Variants in HDAC9 observed in about 807,000 individuals in gnomAD.
HDAC9 encodes histone deacetylase 9.
Under a neutral mutation model 139.4 loss-of-function variants are expected in HDAC9, and 41 were observed. That is an observed-to-expected ratio of 0.29 (90% CI 0.23 to 0.38). HDAC9 has a LOEUF of 0.38. HDAC9 is among the 10% of genes least tolerant of loss of function. The pLI, the probability that HDAC9 is intolerant of heterozygous loss-of-function variation, is 1.00. For synonymous variants in HDAC9, 517 were observed against 476.2 expected (o/e 1.09, Z -1.12); for missense variants, 1,147 against 1,297.0 (o/e 0.88, Z 1.78).
chr7:18,604,165 A>G (rs1834758222), intron 6 of HDAC9, among the ~76,000 whole-genome samples: 1 of 151,934 alleles, frequency 6.6e-6, no homozygotes, highest in Admixed American at 6.6e-5. Flanking sequence ...TCTGTCATTA[A>G]TTTTGGATAA....
intron 17 of HDAC9, among the ~76,000 whole-genome samples, chr7:18,797,395 CAAAAT>C (rs1792892199): frequency 6.6e-6 from 1 of 152,010 alleles, no homozygotes; most frequent in South Asian, 2.1e-4. Context: ...TCTTACCTAA[CAAAAT>C]ATAATAATAA....
chr7:18,533,757 C>G (rs894760157), intron 2 of HDAC9, among the ~76,000 whole-genome samples: 3 of 152,010 alleles, frequency 2.0e-5, no homozygotes, highest in Admixed American at 2.0e-4. Flanking sequence ...AACTTCTTCT[C>G]CTTTGTGTTC....
chr7:18,507,472 C>A (rs369622603), intron 2 of HDAC9, among the ~76,000 whole-genome samples: 17 of 151,330 alleles, frequency 1.1e-4, no homozygotes, highest in Non-Finnish European at 2.1e-4. Context: ...GAATTACAGG[C>A]GTGAGCCACC....
chr7:18,090,691 A>T (rs550210907), intron 1 of HDAC9, among the ~76,000 whole-genome samples: 1 of 152,198 alleles, frequency 6.6e-6, no homozygotes, highest in Non-Finnish European at 1.5e-5. Flanking sequence ...AGAGGCAGCC[A>T]GTAGTGGTCA....
intron 1 of HDAC9, among the ~76,000 whole-genome samples, chr7:18,474,509 A>C (rs1282108115): frequency 1.3e-5 from 2 of 152,204 alleles, no homozygotes; most frequent in Non-Finnish European, 2.9e-5. Flanking sequence ...CTTTATTTGT[A>C]CATATTTTAT....
At chr7:18,852,101 T>C (rs901823634) in intron 21 of HDAC9, among the ~76,000 whole-genome samples, 1 of 152,178 alleles carries the variant, frequency 6.6e-6, no homozygotes, top group African/African-American at 2.4e-5. Flanking sequence ...ATTTAGCCTT[T>C]GGTGCTTTGA....
intron 2 of HDAC9, among the ~76,000 whole-genome samples, chr7:18,184,258 C>T (rs114455244): frequency 0.012 from 1,798 of 152,124 alleles, 36 homozygotes; most frequent in African/African-American, 0.041. Flanking sequence ...GTTAGCTGAG[C>T]GTTGCGGCAC....
intron 21 of HDAC9, among the ~76,000 whole-genome samples, chr7:18,866,111 T>G (rs1317742404): frequency 6.7e-6 from 1 of 148,790 alleles, no homozygotes; most frequent in African/African-American, 2.5e-5. Flanking sequence ...TGAACTGGCT[T>G]TATGCCACCT....
chr7:18,891,870 G>C (rs1021398641), intron 22 of HDAC9, among the ~76,000 whole-genome samples: 5 of 152,132 alleles, frequency 3.3e-5, no homozygotes, highest in African/African-American at 1.2e-4. Context: ...TGTATGAATG[G>C]ATTCATTCCC....
At chr7:18,648,780 G>A in intron 11 of HDAC9, 97 bp downstream of exon 11, 3 of 1,012,462 alleles carry the variant, frequency 3.0e-6, no homozygotes, top group Admixed American at 2.1e-5. Flanking sequence ...GTTGATGGGA[G>A]TCACAGCAAA....
chr7:18,732,592 C>A (rs755731306), intron 13 of HDAC9, among the ~76,000 whole-genome samples: 3 of 144,088 alleles, frequency 2.1e-5, no homozygotes, highest in Non-Finnish European at 4.5e-5. Flanking sequence ...TATACACACA[C>A]GTGTATATGT....
chr7:18,285,970 C>T (rs551557944), upstream of HDAC9, among the ~76,000 whole-genome samples: 1 of 152,138 alleles, frequency 6.6e-6, no homozygotes, highest in African/African-American at 2.4e-5. Context: ...TGCTGGGCAA[C>T]TGGTAATTTT....
intron 1 of HDAC9, among the ~76,000 whole-genome samples, chr7:18,341,496 C>G (rs1202311362): frequency 1.3e-5 from 2 of 151,544 alleles, no homozygotes; most frequent in African/African-American, 2.4e-5. Context: ...GTATGCTAAT[C>G]TTTTTTTCCT....
chr7:18,881,161 C>G (rs1799710193), intron 22 of HDAC9, among the ~76,000 whole-genome samples: 1 of 152,120 alleles, frequency 6.6e-6, no homozygotes, highest in African/African-American at 2.4e-5. Context: ...GCCATGTTGT[C>G]TACGTCTTCT....
rs775740130 is a variant in HDAC9 at position 18,727,605 on chromosome 7, G to A, written c.1757G>A (p.Arg586His). Residue 586 changes from arginine to histidine, a missense_variant, in exon 13 of 26, where the codon CGT becomes CAT. This residue lies in a region of HDAC9 where 256 missense variants were observed against 219.2 expected (regional missense o/e 1.17). Coordinates refer to ENST00000686413, the MANE Select transcript of HDAC9 (RefSeq NM_178425.4). ...QQPFLEPTHT[R>H]ALSVRQAPLA... is the part of the protein sequence containing the mutation. Reference sequence around the variant, plus strand: ...CCTTTCCTGGAACCCACGCACACACGTGCGCTCTCTGTGCGCCAAGCTCCG... The same window carrying A: ...CCTTTCCTGGAACCCACGCACACACATGCGCTCTCTGTGCGCCAAGCTCCG... The A allele has an allele frequency of 1.9e-6, 3 of 1,595,062 alleles. No homozygotes were observed. Among genetic ancestry groups the A allele is most frequent in the African/African-American group, 1.4e-5 (1 of 73,858 alleles).
intron 6 of HDAC9, among the ~76,000 whole-genome samples, chr7:18,605,423 C>T (rs1394862860): frequency 6.6e-6 from 1 of 152,162 alleles, no homozygotes; most frequent in African/African-American, 2.4e-5. Flanking sequence ...AGATAAGGCT[C>T]TGTAAAATAT....
chr7:18,117,959 C>T (rs928977400), intron 1 of HDAC9, among the ~76,000 whole-genome samples: 6 of 152,160 alleles, frequency 3.9e-5, no homozygotes, highest in Non-Finnish European at 8.8e-5. Context: ...TTATCATACA[C>T]ATTAGACAAC....
At chr7:18,278,355 G>A (rs534972248) in intron 2 of HDAC9, among the ~76,000 whole-genome samples, 17 of 152,142 alleles carry the variant, frequency 1.1e-4, no homozygotes, top group African/African-American at 3.6e-4. Flanking sequence ...AAAAACATAC[G>A]CTTTGAATGG....
chr7:18,315,591 A>G (rs639943), intron 1 of HDAC9, among the ~76,000 whole-genome samples: 103,554 of 152,138 alleles, frequency 0.68, 35,993 homozygotes, highest in South Asian at 0.81. Flanking sequence ...CTTGAAATTT[A>G]TTTCTGTAGA....
Sources: gnomAD v4.1 joint callset for allele counts (sites outside exome capture counted in the v4.1 genomes callset) on GRCh38, gnomAD v4.1.1 for gene constraint, gnomAD v4.1.1 regional missense constraint, MANE v1.5 for transcripts, NCBI Gene and HGNC (gene_info 2026-07-23, HGNC 2026-07-21) for gene names.